MRAP2: variants seen among roughly 807,000 people sequenced by gnomAD.
MRAP2 encodes melanocortin-2 receptor accessory protein 2.
In MRAP2, 20 loss-of-function variants were observed where a neutral mutation model predicts 17.4. The ratio of observed to expected loss-of-function variants is 1.15; its 90% CI spans 0.81 to 1.67. The LOEUF (loss-of-function observed/expected upper bound fraction) is 1.67. Among genes scored for constraint, MRAP2 ranks in the 40% most tolerant of loss-of-function variants. MRAP2 has a pLI of 0.00. For missense variants in MRAP2, 238 were observed against 240.0 expected, an observed-to-expected ratio of 0.99 and a Z score of 0.05; for synonymous variants, 96 against 88.4, an observed-to-expected ratio of 1.09 and a Z score of -0.48.
chr6:84,077,472 G>A (rs890431991), intron 3 of MRAP2, among the ~76,000 whole-genome samples: 3 of 152,092 alleles, frequency 2.0e-5, no homozygotes, highest in Non-Finnish European at 2.9e-5. Context: ...TTGAAAGAAG[G>A]AAACTGCCTA....
chr6:84,117,721 C>T, the MRAP2 span, among the ~76,000 whole-genome samples: 1 of 151,614 alleles, frequency 6.6e-6, no homozygotes. Context: ...AGTTTGGCCA[C>T]TCTCCAGTAG....
the MRAP2 span, among the ~76,000 whole-genome samples, chr6:84,140,805 C>A: frequency 6.6e-6 from 1 of 152,120 alleles, no homozygotes; most frequent in South Asian, 2.1e-4. Flanking sequence ...GATTTACAGG[C>A]GTGAGTCACT....
At chr6:84,100,902 C>T in the MRAP2 span, among the ~76,000 whole-genome samples, 4 of 152,124 alleles carry the variant, frequency 2.6e-5, no homozygotes, top group Non-Finnish European at 4.4e-5. Flanking sequence ...AGACATGTAG[C>T]TCATTTCCTG....
At chr6:84,110,343 A>G in the MRAP2 span, among the ~76,000 whole-genome samples, 3 of 152,312 alleles carry the variant, frequency 2.0e-5, no homozygotes, top group African/African-American at 7.2e-5. Flanking sequence ...ATGACCAGTG[A>G]TGATTAACTT....
chr6:84,052,481 C>T (rs1366058465), intron 1 of MRAP2, among the ~76,000 whole-genome samples: 1 of 152,160 alleles, frequency 6.6e-6, no homozygotes, highest in Non-Finnish European at 1.5e-5. Flanking sequence ...AGAACACTTC[C>T]CTAGCACTGC....
chr6:84,046,527 A>G (rs1482316005), intron 1 of MRAP2, among the ~76,000 whole-genome samples: 1 of 152,070 alleles, frequency 6.6e-6, no homozygotes, highest in South Asian at 2.1e-4. Context: ...CATGTCTGTA[A>G]TCCCAGCACT....
chr6:84,071,705 C>T (rs2099496233), intron 3 of MRAP2, among the ~76,000 whole-genome samples: 1 of 152,194 alleles, frequency 6.6e-6, no homozygotes. Flanking sequence ...TCTTCTTCCT[C>T]AGGAACACCA....
the MRAP2 span, among the ~76,000 whole-genome samples, chr6:84,103,197 A>G: frequency 6.6e-6 from 1 of 152,218 alleles, no homozygotes; most frequent in Non-Finnish European, 1.5e-5. Flanking sequence ...ATTCATGAGC[A>G]AGGAAAGAGG....
At chr6:84,081,495 T>C (rs553435605) in intron 3 of MRAP2, among the ~76,000 whole-genome samples, 3 of 152,332 alleles carry the variant, frequency 2.0e-5, no homozygotes, top group African/African-American at 7.2e-5. Flanking sequence ...GATAGTGAGT[T>C]CTCACAAGAT....
At chr6:84,134,917 T>C in the MRAP2 span, among the ~76,000 whole-genome samples, 921 of 73,566 alleles carry the variant, frequency 0.013, 4 homozygotes, top group African/African-American at 0.039. Flanking sequence ...AAAGATCATA[T>C]ATACACACAC....
intron 1 of MRAP2, among the ~76,000 whole-genome samples, chr6:84,039,124 C>A (rs927919957): frequency 1.3e-5 from 2 of 152,190 alleles, no homozygotes; most frequent in African/African-American, 4.8e-5. Flanking sequence ...ATAAGACTGG[C>A]TCATCAAATA....
chr6:84,083,683 TTAAG>T (rs2099499565), intron 3 of MRAP2, among the ~76,000 whole-genome samples: 1 of 152,282 alleles, frequency 6.6e-6, no homozygotes, highest in Non-Finnish European at 1.5e-5. Context: ...AAAAAATTAT[TTAAG>T]TAATGTGAAC....
intron 1 of MRAP2, among the ~76,000 whole-genome samples, chr6:84,044,858 G>A (rs142654944): frequency 1.3e-5 from 2 of 152,206 alleles, no homozygotes; most frequent in South Asian, 2.1e-4. Flanking sequence ...CTCCACACCC[G>A]TGGGTTCCAC....
intron 3 of MRAP2, among the ~76,000 whole-genome samples, chr6:84,070,934 T>C (rs774582021): frequency 1.3e-5 from 2 of 152,224 alleles, no homozygotes; most frequent in Non-Finnish European, 2.9e-5. Context: ...TCCACCCCTT[T>C]ACTTTAAGTT....
chr6:84,130,481 C>T, the MRAP2 span, among the ~76,000 whole-genome samples: 3 of 152,186 alleles, frequency 2.0e-5, no homozygotes, highest in South Asian at 6.2e-4. Flanking sequence ...TGCACCCATC[C>T]AGTCCTGGAC....
the MRAP2 span, among the ~76,000 whole-genome samples, chr6:84,122,558 C>G: frequency 2.6e-5 from 4 of 152,156 alleles, no homozygotes; most frequent in South Asian, 4.1e-4. Flanking sequence ...CCTCAACAAA[C>G]TAGGCTTTGA....
rs191752794 is a variant in MRAP2 at position 84,062,441 on chromosome 6, G to A, written c.128-452G>A. ...TCTATTCTGATTCTGGGAGCTTCCC[G>A]GTTCAAGAATTTTGTTTTCCTTGCA... On this transcript the variant is annotated intron_variant, in intron 2 of 3. Transcript: ENST00000257776. 58 of 701,252 alleles carry A rather than the reference G, an allele frequency of 8.3e-5. No individual in the cohort carries two copies. The East Asian group carries it at 1.9e-3, about 23-fold the overall frequency. The allele number at this position is 701,252 out of a possible 1,614,324, so 43.4% of individuals were successfully genotyped here.
chr6:84,082,836 C>T (rs879457178), intron 3 of MRAP2, among the ~76,000 whole-genome samples: 1 of 151,574 alleles, frequency 6.6e-6, no homozygotes, highest in Non-Finnish European at 1.5e-5. Context: ...GTCTTTTTTT[C>T]CTTTCTGCCT....
At chr6:84,092,874 T>C (rs902862137), downstream of MRAP2, among the ~76,000 whole-genome samples, 2 of 152,106 alleles carry the variant, frequency 1.3e-5, no homozygotes, top group Non-Finnish European at 2.9e-5. Flanking sequence ...CGTATTCCCA[T>C]TCCAAAAAGG....
Sources: allele counts gnomAD v4.1 joint callset (sites outside exome capture counted in the v4.1 genomes callset), GRCh38; gene constraint gnomAD v4.1.1; transcripts MANE v1.5; gene names NCBI Gene and HGNC (gene_info 2026-07-23, HGNC 2026-07-21).